KIF6: variants seen among roughly 807,000 people sequenced by gnomAD.
The protein encoded by KIF6 is kinesin family member 6.
In KIF6, 106 loss-of-function variants were observed where a neutral mutation model predicts 112.7. The observed-to-expected ratio is 0.94, with a 90% CI of 0.80 to 1.11. The LOEUF (loss-of-function observed/expected upper bound fraction) is 1.11, where lower values mean the gene tolerates loss of function less well. KIF6 is among the 50% of genes least tolerant of loss of function. KIF6 has a pLI of 0.00. For synonymous variants in KIF6, 339 were observed against 339.9 expected, an observed-to-expected ratio of 1.00 and a Z score of 0.03; for missense variants, 929 against 964.0, an observed-to-expected ratio of 0.96 and a Z score of 0.48.
At chr6:39,382,462 C>A (rs759508074) in intron 16 of KIF6, among the ~76,000 whole-genome samples, 43 of 152,068 alleles carry the variant, frequency 2.8e-4, no homozygotes, top group Non-Finnish European at 5.4e-4. Flanking sequence ...GGATAATGGC[C>A]TGCAGCTGTA....
intron 13 of KIF6, among the ~76,000 whole-genome samples, chr6:39,526,994 ATGAG>A (rs1343649658): frequency 6.6e-6 from 1 of 152,216 alleles, no homozygotes; most frequent in African/African-American, 2.4e-5. Context: ...TGGTTGCTTT[ATGAG>A]TGAGTTTTAC....
intron 13 of KIF6, among the ~76,000 whole-genome samples, chr6:39,511,039 A>G (rs961527717): frequency 1.8e-4 from 27 of 152,162 alleles, no homozygotes; most frequent in Admixed American, 9.2e-4. Flanking sequence ...TGCACCCAAT[A>G]CAGGAGCACC....
chr6:39,479,705 A>C (rs563340959), intron 13 of KIF6, among the ~76,000 whole-genome samples: 2 of 152,236 alleles, frequency 1.3e-5, no homozygotes, highest in African/African-American at 4.8e-5. Flanking sequence ...TCATTTTCAC[A>C]ATATTGATTC....
At chr6:39,608,123 C>T (rs992057017) in intron 6 of KIF6, among the ~76,000 whole-genome samples, 1 of 152,176 alleles carries the variant, frequency 6.6e-6, no homozygotes, top group African/African-American at 2.4e-5. Context: ...ATTTGCACTT[C>T]CACAAGGTCA....
At chr6:39,363,389 G>A (rs1389731879) in intron 16 of KIF6, among the ~76,000 whole-genome samples, 3 of 152,184 alleles carry the variant, frequency 2.0e-5, no homozygotes, top group Non-Finnish European at 4.4e-5. Context: ...GGACCATCAT[G>A]AGGCCCAGGG....
At chr6:39,402,835 T>C (rs1768806434) in intron 15 of KIF6, among the ~76,000 whole-genome samples, 1 of 152,166 alleles carries the variant, frequency 6.6e-6, no homozygotes, top group South Asian at 2.1e-4. Flanking sequence ...TTTACAGATG[T>C]ACATAAATTA....
At chr6:39,432,051 C>T (rs575819498) in intron 13 of KIF6, among the ~76,000 whole-genome samples, 7 of 152,108 alleles carry the variant, frequency 4.6e-5, no homozygotes, top group South Asian at 2.1e-4. Flanking sequence ...GTGGAGCTTT[C>T]GTCAAAGCCC....
intron 13 of KIF6, among the ~76,000 whole-genome samples, chr6:39,497,730 C>G (rs566124481): frequency 1.0e-3 from 154 of 152,310 alleles, no homozygotes; most frequent in Non-Finnish European, 1.7e-3. Context: ...TCCCTCCCCC[C>G]ATCACGAAGT....
chr6:39,521,571 A>G (rs913135082), intron 13 of KIF6, among the ~76,000 whole-genome samples: 2 of 152,218 alleles, frequency 1.3e-5, no homozygotes, highest in African/African-American at 4.8e-5. Flanking sequence ...TGAGGACCAT[A>G]CCAACTGTCC....
At chr6:39,658,381 G>A (rs112747422) in intron 3 of KIF6, among the ~76,000 whole-genome samples, 10,260 of 151,694 alleles carry the variant, frequency 0.068, 411 homozygotes, top group Middle Eastern at 0.11. Flanking sequence ...CTTTTAGTTC[G>A]GAAAATAAAA....
intron 3 of KIF6, among the ~76,000 whole-genome samples, chr6:39,650,817 T>C (rs1785429692): frequency 6.6e-6 from 1 of 152,006 alleles, no homozygotes; most frequent in South Asian, 2.1e-4. Flanking sequence ...CAAAAGAAAA[T>C]AGAAAATACT....
intron 14 of KIF6, among the ~76,000 whole-genome samples, chr6:39,423,734 G>A (rs1306180227): frequency 2.0e-5 from 3 of 151,884 alleles, no homozygotes; most frequent in Admixed American, 1.3e-4. Flanking sequence ...TAACCTGCAC[G>A]CCACCCTTTG....
At chr6:39,673,533 A>C (rs929849410) in intron 3 of KIF6, among the ~76,000 whole-genome samples, 2 of 152,244 alleles carry the variant, frequency 1.3e-5, no homozygotes, top group Admixed American at 1.3e-4. Context: ...AGTTATGATC[A>C]TGAACAAGTA....
chr6:39,357,509 C>T (rs1429420543), intron 18 of KIF6, 135 bp from the exon 19 acceptor site: 21 of 552,474 alleles, frequency 3.8e-5, no homozygotes, highest in Middle Eastern at 4.9e-4. Flanking sequence ...AGTGCAGTGG[C>T]GCGATCTCAG....
In KIF6 at chr6:39,418,467, C is replaced by A. The variant is rs78211967; in HGVS notation, c.1810+1481G>T. On this transcript the variant is annotated intron_variant, in intron 15 of 22. Coordinates refer to ENST00000287152, the MANE Select transcript of KIF6 (RefSeq NM_145027.6). ...ATATAAATGTATTAAATAAAAAGAT[C>A]TAATGGTGAGTCTAATAACCACTGT... 9.5e-4 allele frequency among the ~76,000 whole-genome samples: 145 copies of A among 152,242 alleles called. 2 individuals carry two copies. In the South Asian group the frequency reaches 0.01, roughly 11 times the overall value.
chr6:39,411,872 G>A lies in KIF6; in HGVS notation c.1810+8076C>T, dbSNP rs559205090. 2.6e-5 allele frequency among the ~76,000 whole-genome samples: 4 copies of A among 152,312 alleles called. No homozygotes were observed. The East Asian group carries it at 7.7e-4, about 29-fold the overall frequency. On this transcript the variant is annotated intron_variant, in intron 15 of 22. Coordinates refer to ENST00000287152, the MANE Select transcript of KIF6 (RefSeq NM_145027.6). Reference sequence around the variant, plus strand: ...TCTAGCTTGTTTCCTGGGAGGATGTGCCATGGATAGAGGTGGTTTAAGAGT... The same window carrying A: ...TCTAGCTTGTTTCCTGGGAGGATGTACCATGGATAGAGGTGGTTTAAGAGT...
chr6:39,689,640 C>A (rs1268327641), intron 3 of KIF6, among the ~76,000 whole-genome samples: 1 of 151,960 alleles, frequency 6.6e-6, no homozygotes, highest in Non-Finnish European at 1.5e-5. Flanking sequence ...ACTCTGTCAC[C>A]CAGGCCCGTG....
At position 39,535,977 on chromosome 6, in the gene KIF6, G is replaced by A. The variant is rs569217140; in HGVS notation, c.1645+4026C>T. Reference sequence around the variant, plus strand: ...CCTGAATGACTACTGGGTACATAACGAAATGAAGGCAGAAATAAAGATGTT... The same window carrying A: ...CCTGAATGACTACTGGGTACATAACAAAATGAAGGCAGAAATAAAGATGTT... On this transcript the variant is annotated intron_variant, in intron 13 of 22. Transcript: ENST00000287152. 2.6e-3 allele frequency among the ~76,000 whole-genome samples: 399 copies of A among 152,058 alleles called. 4 individuals are homozygous for A. The highest frequency in any genetic ancestry group is 8.9e-3 in the African/African-American group (368 of 41,524).
At chr6:39,656,815 C>T (rs752864006) in intron 3 of KIF6, among the ~76,000 whole-genome samples, 4 of 152,178 alleles carry the variant, frequency 2.6e-5, no homozygotes, top group Non-Finnish European at 2.9e-5. Context: ...CTTTTTAAAG[C>T]TCTTTCTGAC....
Sources: gnomAD v4.1 joint callset for allele counts (sites outside exome capture counted in the v4.1 genomes callset) on GRCh38, gnomAD v4.1.1 for gene constraint, MANE v1.5 for transcripts, NCBI Gene and HGNC (gene_info 2026-07-23, HGNC 2026-07-21) for gene names.